The following GPD2 variants were observed in gnomAD, a reference collection of about 807,000 sequenced individuals.
GPD2 encodes the protein glycerol-3-phosphate dehydrogenase 2, also known as glycerol-3-phosphate dehydrogenase, mitochondrial.
In GPD2, 54 loss-of-function variants were observed where a neutral mutation model predicts 82.4. The observed-to-expected ratio is 0.66, with a 90% confidence interval of 0.53 to 0.82. GPD2 has a LOEUF of 0.82. GPD2 is among the 40% of genes least tolerant of loss of function. The pLI is 0.00. For synonymous variants in GPD2, 288 were observed against 306.1 expected, an observed-to-expected ratio of 0.94 and a Z score of 0.62; for missense variants, 748 against 896.2, an observed-to-expected ratio of 0.83 and a Z score of 2.11.
intron 1 of GPD2, among the ~76,000 whole-genome samples, chr2:156,457,780 T>A (rs911057516): frequency 6.6e-6 from 1 of 152,226 alleles, no homozygotes; most frequent in African/African-American, 2.4e-5. Context: ...CACGTGCAAA[T>A]GTGGACAATG....
intron 1 of GPD2, among the ~76,000 whole-genome samples, chr2:156,470,902 A>T (rs1344274729): frequency 6.6e-6 from 1 of 152,240 alleles, no homozygotes; most frequent in Non-Finnish European, 1.5e-5. Context: ...TTTGTTGTGT[A>T]GCAATTACAT....
chr2:156,561,493 T>C (rs1239272510), intron 9 of GPD2, among the ~76,000 whole-genome samples: 2 of 152,022 alleles, frequency 1.3e-5, no homozygotes, highest in Non-Finnish European at 2.9e-5. Context: ...CACTAGGGAG[T>C]GGTAAGCTTA....
At chr2:156,469,261 G>T (rs1400884939) in intron 1 of GPD2, among the ~76,000 whole-genome samples, 2 of 152,096 alleles carry the variant, frequency 1.3e-5, no homozygotes, top group African/African-American at 2.4e-5. Flanking sequence ...CCAGGTTCAC[G>T]TGATTTTCCT....
chr2:156,474,465 T>G (rs150342921), intron 1 of GPD2, among the ~76,000 whole-genome samples: 1 of 152,168 alleles, frequency 6.6e-6, no homozygotes, highest in South Asian at 2.1e-4. Context: ...ATCAGTAGAA[T>G]GTAACGTGTG....
At chr2:156,490,320 G>C (rs902233108) in intron 2 of GPD2, among the ~76,000 whole-genome samples, 1 of 150,838 alleles carries the variant, frequency 6.6e-6, no homozygotes, top group Admixed American at 6.6e-5. Flanking sequence ...GCCTTAGGCT[G>C]TGTTTACTGC....
At chr2:156,527,820 G>A (rs1037895568) in intron 6 of GPD2, among the ~76,000 whole-genome samples, 2 of 151,908 alleles carry the variant, frequency 1.3e-5, no homozygotes, top group African/African-American at 4.8e-5. Context: ...TATTTCCCAG[G>A]AATTTTAAAT....
chr2:156,565,083 A>G (rs1436137737), intron 9 of GPD2, among the ~76,000 whole-genome samples: 2 of 152,140 alleles, frequency 1.3e-5, no homozygotes, highest in Admixed American at 1.3e-4. Context: ...AGAAAAGGTA[A>G]GGCATTTGCC....
At chr2:156,422,483 C>G in the GPD2 span, among the ~76,000 whole-genome samples, 2 of 151,990 alleles carry the variant, frequency 1.3e-5, no homozygotes, top group African/African-American at 4.8e-5. Context: ...GTAATCCCAG[C>G]ACTTTTGGAG....
At position 156,510,734 on chromosome 2, in the gene GPD2, T is replaced by A; in HGVS notation, c.275-62T>A. 3 of 1,416,628 alleles carry A rather than the reference T, an allele frequency of 2.1e-6. No homozygotes were observed. In the African/African-American group the frequency reaches 4.2e-5, roughly 20 times the overall value. 87.8% of individuals were successfully genotyped at this position (1,416,628 alleles called of 1,614,324 possible). On this transcript the variant is annotated intron_variant, in intron 3 of 16. Coordinates refer to ENST00000438166, the MANE Select transcript of GPD2 (RefSeq NM_000408.5). Reference sequence around the variant, plus strand: ...ATTGTCTCTACCCTGGAGAAGTGCCTTTAATGAATTACATACAAATTGTGT... The same window carrying A: ...ATTGTCTCTACCCTGGAGAAGTGCCATTAATGAATTACATACAAATTGTGT...
At chr2:156,418,652 G>C in the GPD2 span, among the ~76,000 whole-genome samples, 1 of 152,062 alleles carries the variant, frequency 6.6e-6, no homozygotes, top group African/African-American at 2.4e-5. Flanking sequence ...AGGATAAAAG[G>C]CATTCAGATT....
chr2:156,495,146 C>T lies in GPD2; in HGVS notation c.103-898C>T, dbSNP rs192208379. ...GATTGCTTGATTGATTCTAGGAGTT[C>T]GAGACCACGCTGGGCAACATGGTGA... On this transcript the variant is annotated intron_variant, in intron 2 of 16. Transcript: ENST00000438166. Among the ~76,000 whole-genome samples, 269 of 152,076 alleles carry T rather than the reference C, an allele frequency of 1.8e-3. 3 individuals carry two copies. Among genetic ancestry groups the T allele is most frequent in the African/African-American group, 5.9e-3 (245 of 41,426 alleles).
rs1176056136 is a variant in GPD2, at chr2:156,533,537, T to TC, written c.662-16071_662-16070insC. Among the ~76,000 whole-genome samples, 17 of 152,280 alleles carry TC rather than the reference T, an allele frequency of 1.1e-4. No homozygotes were observed. In the East Asian group the frequency reaches 2.5e-3, roughly 22 times the overall value. On this transcript the variant is annotated intron_variant, in intron 6 of 16. Coordinates refer to ENST00000438166, the MANE Select transcript of GPD2 (RefSeq NM_000408.5). ...GATCTTATTAGCTCTAGATAGTTTT[T>TC]TAAAAATCTGCTCTCCAGAAATTTG...
At chr2:156,401,272 TTCTC>T in the GPD2 span, among the ~76,000 whole-genome samples, 7 of 152,234 alleles carry the variant, frequency 4.6e-5, no homozygotes, top group African/African-American at 1.2e-4. Context: ...ACCCTGGTAA[TTCTC>T]TAAACAATCA....
At chr2:156,428,969 A>C in the GPD2 span, among the ~76,000 whole-genome samples, 1 of 152,222 alleles carries the variant, frequency 6.6e-6, no homozygotes, top group East Asian at 1.9e-4. Flanking sequence ...AAATTAGGTC[A>C]ATGCCTACAT....
chr2:156,409,339 T>C, the GPD2 span, among the ~76,000 whole-genome samples: 1 of 152,202 alleles, frequency 6.6e-6, no homozygotes, highest in East Asian at 1.9e-4. Flanking sequence ...ATTAATACCA[T>C]TAACTTCATT....
intron 1 of GPD2, among the ~76,000 whole-genome samples, chr2:156,444,716 C>T (rs1046326479): frequency 5.8e-5 from 3 of 51,664 alleles, no homozygotes; most frequent in Non-Finnish European, 1.3e-4. Flanking sequence ...GTCTCAAAAA[C>T]AAATACACAC....
chr2:156,575,649 A>G (rs934390640), intron 13 of GPD2, among the ~76,000 whole-genome samples: 1 of 151,640 alleles, frequency 6.6e-6, no homozygotes, highest in South Asian at 2.1e-4. Flanking sequence ...CATGCGATCC[A>G]CCTGCCTCAG....
At chr2:156,542,852 A>G (rs535037358) in intron 6 of GPD2, among the ~76,000 whole-genome samples, 12 of 152,056 alleles carry the variant, frequency 7.9e-5, no homozygotes, top group Non-Finnish European at 1.2e-4. Flanking sequence ...TTTTCCCTTT[A>G]TTGCCATTAT....
chr2:156,512,680 A>C (rs1685045131), intron 5 of GPD2, among the ~76,000 whole-genome samples: 1 of 152,232 alleles, frequency 6.6e-6, no homozygotes, highest in South Asian at 2.1e-4. Context: ...TATAAAATGT[A>C]AACATACCAC....
Sources: gnomAD v4.1 joint callset for allele counts (sites outside exome capture counted in the v4.1 genomes callset) on GRCh38, gnomAD v4.1.1 for gene constraint, MANE v1.5 for transcripts, NCBI Gene and HGNC (gene_info 2026-07-23, HGNC 2026-07-21) for gene names.